Variants in CDH2 observed in about 807,000 individuals in gnomAD.
CDH2 encodes cadherin 2.
Under a neutral mutation model 92.0 loss-of-function variants are expected in CDH2, and 17 were observed. The ratio of observed to expected loss-of-function variants is 0.18; its 90% CI spans 0.13 to 0.28. The LOEUF (loss-of-function observed/expected upper bound fraction) is 0.28, where lower values mean the gene tolerates loss of function less well. CDH2 is among the 10% of genes least tolerant of loss of function. The probability of loss-of-function intolerance (pLI) is 1.00; values close to 1 mark genes in which losing one functional copy is unlikely to be tolerated. For missense variants in CDH2, 862 were observed against 1,133.1 expected, an observed-to-expected ratio of 0.76 and a Z score of 3.44; for synonymous variants, 419 against 415.9, an observed-to-expected ratio of 1.01 and a Z score of -0.09.
intron 2 of CDH2, among the ~76,000 whole-genome samples, chr18:28,064,498 T>A (rs11083245): frequency 0.17 from 25,114 of 151,574 alleles, 2,375 homozygotes; most frequent in East Asian, 0.3. Flanking sequence ...GCCTATGGGG[T>A]CATACCAGCC....
chr18:28,047,309 G>GA (rs1215776382), intron 2 of CDH2, among the ~76,000 whole-genome samples: 1 of 152,082 alleles, frequency 6.6e-6, no homozygotes, highest in Non-Finnish European at 1.5e-5. Flanking sequence ...GGCTAAGCAA[G>GA]AAAAAATATC....
Position 28,083,400 on chromosome 18 carries a change from C to T in CDH2, c.172+64273G>A, listed in dbSNP as rs181819532. Among the ~76,000 whole-genome samples the T allele has an allele frequency of 8.6e-5, 13 of 151,978 alleles. No homozygotes were observed. The East Asian group carries it at 2.5e-3, about 30-fold the overall frequency. On this transcript the variant is annotated intron_variant, in intron 2 of 15. Coordinates refer to ENST00000269141, the MANE Select transcript of CDH2 (RefSeq NM_001792.5). ...ACTGTTGTGCCAGGAAAAACCTGGA[C>T]CACACTGGACTGAATAGAAAACATC...
chr18:28,025,081 T>C (rs1429435469), intron 2 of CDH2, among the ~76,000 whole-genome samples: 2 of 152,174 alleles, frequency 1.3e-5, no homozygotes, highest in African/African-American at 4.8e-5. Context: ...TGAGATTAAC[T>C]GAAGAATTTT....
chr18:28,007,421 T>A (rs1229109158), intron 5 of CDH2, among the ~76,000 whole-genome samples: 2 of 151,922 alleles, frequency 1.3e-5, no homozygotes, highest in East Asian at 3.9e-4. Context: ...CTAGTTTTCA[T>A]GTTAAGTCTG....
intron 2 of CDH2, among the ~76,000 whole-genome samples, chr18:28,076,401 C>A (rs2014719471): frequency 6.6e-6 from 1 of 152,106 alleles, no homozygotes; most frequent in East Asian, 1.9e-4. Flanking sequence ...TAGATAGAGA[C>A]TCACATCTGG....
intron 2 of CDH2, among the ~76,000 whole-genome samples, chr18:28,128,244 A>C (rs2015708868): frequency 6.6e-6 from 1 of 152,126 alleles, no homozygotes; most frequent in Non-Finnish European, 1.5e-5. Context: ...GTTCTGAAAA[A>C]CTTGTTCAAT....
chr18:27,982,850 C>G, intron 14 of CDH2, 94 bp downstream of exon 14: 1 of 737,466 alleles, frequency 1.4e-6, no homozygotes, highest in African/African-American at 1.8e-5. Context: ...GGAGGGAAAC[C>G]TGATACCATT....
At chr18:28,049,935 G>A (rs147390236) in intron 2 of CDH2, among the ~76,000 whole-genome samples, 36 of 152,300 alleles carry the variant, frequency 2.4e-4, no homozygotes, top group Admixed American at 4.6e-4. Context: ...TGGGATGTTG[G>A]TGGATATAAC....
intron 4 of CDH2, among the ~76,000 whole-genome samples, chr18:28,010,763 G>A (rs755144987): frequency 7.9e-5 from 12 of 151,220 alleles, no homozygotes; most frequent in Non-Finnish European, 1.3e-4. Context: ...TCCACCTCCC[G>A]GGTTCATGCC....
intron 2 of CDH2, among the ~76,000 whole-genome samples, chr18:28,017,651 G>A (rs745470678): frequency 1.3e-5 from 2 of 151,782 alleles, no homozygotes; most frequent in Non-Finnish European, 2.9e-5. Flanking sequence ...TCTTCTGCTG[G>A]GTTTGTGTTT....
At chr18:28,065,409 C>T (rs996601751) in intron 2 of CDH2, among the ~76,000 whole-genome samples, 1 of 152,148 alleles carries the variant, frequency 6.6e-6, no homozygotes, top group East Asian at 1.9e-4. Context: ...TTAACAAAAA[C>T]GGCACTTGGT....
At chr18:28,101,647 T>C (rs1426287005) in intron 2 of CDH2, among the ~76,000 whole-genome samples, 1 of 152,160 alleles carries the variant, frequency 6.6e-6, no homozygotes, top group Non-Finnish European at 1.5e-5. Context: ...CTGAAATAGC[T>C]GTTCTTGTGG....
intron 6 of CDH2, among the ~76,000 whole-genome samples, chr18:28,004,913 T>C (rs1157841351): frequency 6.6e-6 from 1 of 152,152 alleles, no homozygotes; most frequent in Non-Finnish European, 1.5e-5. Flanking sequence ...GTTTGAGGCA[T>C]AGTTGGTTAT....
chr18:27,937,938 T>C (rs918374500), intron 6 of CDH2, among the ~76,000 whole-genome samples: 1 of 152,160 alleles, frequency 6.6e-6, no homozygotes, highest in African/African-American at 2.4e-5. Context: ...GGTTTGAATA[T>C]GTGTCTCCAT....
intron 14 of CDH2, among the ~76,000 whole-genome samples, chr18:27,979,193 GTAGA>G (rs1175836460): frequency 3.3e-5 from 5 of 152,066 alleles, no homozygotes; most frequent in African/African-American, 1.2e-4. Flanking sequence ...CAATAGAAAA[GTAGA>G]CAAACAGGCT....
chr18:28,100,672 T>C (rs1314087698), intron 2 of CDH2, among the ~76,000 whole-genome samples: 1 of 151,630 alleles, frequency 6.6e-6, no homozygotes, highest in African/African-American at 2.4e-5. Context: ...TGGTCTTCAG[T>C]CTAGCTTCGC....
At chr18:28,137,411 T>C (rs555462291) in intron 2 of CDH2, among the ~76,000 whole-genome samples, 55 of 152,114 alleles carry the variant, frequency 3.6e-4, no homozygotes, top group Admixed American at 1.2e-3. Context: ...TTAATCCACA[T>C]TGAAGAGGGA....
intron 2 of CDH2, among the ~76,000 whole-genome samples, chr18:28,068,838 T>A (rs1000506327): frequency 6.6e-6 from 1 of 152,228 alleles, no homozygotes; most frequent in African/African-American, 2.4e-5. Context: ...ATAGGGAGTG[T>A]GCATTTGAAA....
At chr18:28,139,786 T>G (rs569410925) in intron 2 of CDH2, among the ~76,000 whole-genome samples, 1 of 152,168 alleles carries the variant, frequency 6.6e-6, no homozygotes, top group South Asian at 2.1e-4. Flanking sequence ...GTTTTTTCTT[T>G]CTTAGGCTTC....
Sources: allele counts gnomAD v4.1 joint callset (sites outside exome capture counted in the v4.1 genomes callset), GRCh38; gene constraint gnomAD v4.1.1; transcripts MANE v1.5; gene names NCBI Gene and HGNC (gene_info 2026-07-23, HGNC 2026-07-21).